The following KLF12 variants were observed in gnomAD, a reference collection of about 807,000 sequenced individuals.
KLF12 encodes Krueppel-like factor 12.
In KLF12, 9 loss-of-function variants were observed where a neutral mutation model predicts 37.8. The observed-to-expected ratio is 0.24, with a 90% CI of 0.14 to 0.42. KLF12 has a LOEUF of 0.42. Ranked by LOEUF, KLF12 falls within the 10% of genes least tolerant of loss-of-function variation. The probability of loss-of-function intolerance (pLI) is 1.00; values close to 1 mark genes in which losing one functional copy is unlikely to be tolerated. For missense variants in KLF12, 411 were observed against 516.0 expected, an observed-to-expected ratio of 0.80 and a Z score of 1.97; for synonymous variants, 208 against 202.1, an observed-to-expected ratio of 1.03 and a Z score of -0.25.
At chr13:73,867,405 C>T (rs199858405) in intron 3 of KLF12, among the ~76,000 whole-genome samples, 10 of 150,322 alleles carry the variant, frequency 6.7e-5, no homozygotes, top group East Asian at 4.0e-4. Context: ...TACATATATA[C>T]GTGTGTGTGT....
upstream of KLF12, among the ~76,000 whole-genome samples, chr13:74,134,570 G>C (rs985532339): frequency 1.5e-5 from 2 of 133,564 alleles, no homozygotes; most frequent in Non-Finnish European, 3.2e-5. Flanking sequence ...CTCCGGCCCC[G>C]GGCCTCGGCA....
At chr13:74,003,397 A>G (rs1681855421) in intron 1 of KLF12, among the ~76,000 whole-genome samples, 1 of 152,214 alleles carries the variant, frequency 6.6e-6, no homozygotes, top group African/African-American at 2.4e-5. Context: ...ATGAGTTAAC[A>G]TATTAGTCAG....
At chr13:73,802,934 G>A (rs1392547752) in intron 5 of KLF12, among the ~76,000 whole-genome samples, 1 of 152,020 alleles carries the variant, frequency 6.6e-6, no homozygotes, top group African/African-American at 2.4e-5. Context: ...CACTAATATG[G>A]ACATTTTATC....
At chr13:74,302,033 A>G in the KLF12 span, among the ~76,000 whole-genome samples, 2 of 152,170 alleles carry the variant, frequency 1.3e-5, no homozygotes, top group Non-Finnish European at 2.9e-5. Flanking sequence ...GAAAAGATCT[A>G]TCTGTGAAGG....
Position 73,829,208 on chromosome 13 carries a change from T to C in KLF12, c.671-15921A>G, listed in dbSNP as rs536853492. On this transcript the variant is annotated intron_variant, in intron 4 of 7. Coordinates refer to ENST00000377669, the MANE Select transcript of KLF12 (RefSeq NM_007249.5). Reference sequence around the variant, plus strand: ...TGTATTAATCACATGAATAAGTGAATAGAAAGAAATACACTGCACAATTCC... The same window carrying C: ...TGTATTAATCACATGAATAAGTGAACAGAAAGAAATACACTGCACAATTCC... 3.9e-5 allele frequency among the ~76,000 whole-genome samples: 6 copies of C among 152,262 alleles called. 1 individual carries two copies. The highest frequency in any genetic ancestry group is 1.4e-4 in the African/African-American group (6 of 41,550).
the KLF12 span, among the ~76,000 whole-genome samples, chr13:74,164,332 T>C: frequency 1.3e-5 from 2 of 152,222 alleles, no homozygotes; most frequent in African/African-American, 2.4e-5. Context: ...GGAAATTTTA[T>C]TTTTAAATCC....
intron 1 of KLF12, among the ~76,000 whole-genome samples, chr13:74,071,459 G>A (rs541308749): frequency 6.6e-6 from 1 of 152,148 alleles, no homozygotes; most frequent in Non-Finnish European, 1.5e-5. Flanking sequence ...GGGTGAGGTG[G>A]GCGGATCACA....
At chr13:74,185,072 G>T in the KLF12 span, among the ~76,000 whole-genome samples, 253 of 152,168 alleles carry the variant, frequency 1.7e-3, 1 homozygote, top group African/African-American at 6.0e-3. Flanking sequence ...CTACTCCCTG[G>T]GAACTTATCT....
chr13:74,134,186 AG>A (rs546775182), upstream of KLF12, among the ~76,000 whole-genome samples: 429 of 104,166 alleles, frequency 4.1e-3, 5 homozygotes, highest in African/African-American at 0.013. Context: ...GGGTGCTGTG[AG>A]GGGGGGGGCC....
intron 5 of KLF12, among the ~76,000 whole-genome samples, chr13:73,775,303 T>C (rs1566359686): frequency 6.6e-6 from 1 of 152,090 alleles, no homozygotes; most frequent in South Asian, 2.1e-4. Context: ...GAATTACTAA[T>C]AAATGGAATG....
At chr13:74,157,117 AT>A in the KLF12 span, among the ~76,000 whole-genome samples, 1 of 152,242 alleles carries the variant, frequency 6.6e-6, no homozygotes, top group Non-Finnish European at 1.5e-5. Flanking sequence ...ATATCAACGA[AT>A]AAAGATATAA....
rs983023138 is a variant in KLF12, at chr13:73,930,494, G to C, written c.123+13487C>G. Among the ~76,000 whole-genome samples the C allele has an allele frequency of 2.6e-5, 4 of 152,138 alleles. No homozygotes were observed. In the South Asian group the frequency reaches 6.2e-4, roughly 24 times the overall value. ...AGTTTTTTATTCAATTTGGGAAATT[G>C]AAAGTTTTTTAAAAACCATCATTCA... is the stretch of plus-strand genomic sequence containing the variant. On this transcript the variant is annotated intron_variant, in intron 3 of 7. Coordinates refer to ENST00000377669, the MANE Select transcript of KLF12 (RefSeq NM_007249.5).
intron 3 of KLF12, among the ~76,000 whole-genome samples, chr13:73,879,876 G>T (rs537420041): frequency 6.6e-6 from 1 of 152,282 alleles, no homozygotes; most frequent in South Asian, 2.1e-4. Context: ...GAGCCATATG[G>T]TTCACACAGC....
chr13:73,700,278 A>AATT (rs1566305089), intron 7 of KLF12, among the ~76,000 whole-genome samples: 21 of 150,782 alleles, frequency 1.4e-4, no homozygotes, highest in South Asian at 6.3e-4. Flanking sequence ...AAAAATAAAT[A>AATT]AATAAATTAA....
intron 3 of KLF12, among the ~76,000 whole-genome samples, chr13:73,898,664 T>C (rs1327043447): frequency 6.6e-6 from 1 of 152,154 alleles, no homozygotes; most frequent in African/African-American, 2.4e-5. Context: ...GGGCTTACCC[T>C]AACCAAAGGT....
intron 1 of KLF12, among the ~76,000 whole-genome samples, chr13:74,046,927 T>C (rs1893562888): frequency 6.6e-6 from 1 of 152,224 alleles, no homozygotes; most frequent in African/African-American, 2.4e-5. Context: ...TCACTATCAT[T>C]GATTCTCCTA....
intron 1 of KLF12, among the ~76,000 whole-genome samples, chr13:74,014,179 A>G (rs890138587): frequency 1.3e-5 from 2 of 152,206 alleles, no homozygotes; most frequent in Non-Finnish European, 2.9e-5. Flanking sequence ...ATTCAAATAT[A>G]ACTTGTACTG....
rs1017226096 is a variant in KLF12, at chr13:73,846,164, A to G, written c.333T>C (p.Ser111=). 32 of 1,614,018 alleles carry G rather than the reference A, an allele frequency of 2.0e-5. No individual in the cohort carries two copies. Among genetic ancestry groups the G allele is most frequent in the Non-Finnish European group, 2.5e-5 (30 of 1,180,012 alleles). The change falls in exon 4 of 8, where the codon TCT becomes TCC. Residue 111 remains serine, a synonymous_variant. Transcript: ENST00000377669. ...AAGACGATGAAGAGGTTGAAGTTGA[A>G]GAAGGTGAGGAGGCAGATGCTGTCA...
the KLF12 span, among the ~76,000 whole-genome samples, chr13:74,213,421 T>G: frequency 1.3e-5 from 2 of 152,182 alleles, no homozygotes; most frequent in Admixed American, 6.5e-5. Context: ...TTCTTGTTTA[T>G]TTTTGCTTTG....
Sources: gnomAD v4.1 joint callset for allele counts (sites outside exome capture counted in the v4.1 genomes callset) on GRCh38, gnomAD v4.1.1 for gene constraint, MANE v1.5 for transcripts, NCBI Gene and HGNC (gene_info 2026-07-23, HGNC 2026-07-21) for gene names.